Variants in PDCL2 observed in about 807,000 individuals in gnomAD.
The protein encoded by PDCL2 is phosducin-like protein 2.
PDCL2 carries 23 observed loss-of-function variants against 30.3 expected under a neutral mutation model. That is an observed-to-expected ratio of 0.76 (90% CI 0.55 to 1.08). The LOEUF (loss-of-function observed/expected upper bound fraction) is 1.08. Ranked by LOEUF, PDCL2 falls within the 50% of genes least tolerant of loss-of-function variation. The pLI, the probability that PDCL2 is intolerant of heterozygous loss-of-function variation, is 0.00. For missense variants in PDCL2, 243 were observed against 282.3 expected (o/e 0.86, Z 1.00); for synonymous variants, 68 against 86.2 (o/e 0.79, Z 1.17).
chr4:55,583,188 T>A (rs1349211896), intron 1 of PDCL2, among the ~76,000 whole-genome samples: 1 of 152,112 alleles, frequency 6.6e-6, no homozygotes, highest in Non-Finnish European at 1.5e-5. Flanking sequence ...CAGCTGGTCT[T>A]GAACTCCTGG....
At chr4:55,588,577 T>C (rs1560506351) in intron 1 of PDCL2, among the ~76,000 whole-genome samples, 1 of 152,336 alleles carries the variant, frequency 6.6e-6, no homozygotes, top group East Asian at 1.9e-4. Flanking sequence ...CTCTTAAGGC[T>C]GTGTCATGGG....
chr4:55,571,686 C>CAAAAAAAAAAAAAAAAAAAAAAAAAA (rs761336707), intron 3 of PDCL2, among the ~76,000 whole-genome samples: 1 of 36,886 alleles, frequency 2.7e-5, no homozygotes, highest in African/African-American at 1.6e-4. Context: ...GACTCCATCT[C>CAAAAAAAAAAAAAAAAAAAAAAAAAA]AAAAAAAAAA....
intron 3 of PDCL2, among the ~76,000 whole-genome samples, chr4:55,576,620 C>T (rs559155222): frequency 3.3e-5 from 5 of 151,816 alleles, no homozygotes; most frequent in Non-Finnish European, 7.4e-5. Flanking sequence ...AAGATAATCA[C>T]TATGAAAAAA....
chr4:55,569,402 A>G (rs1358851851), intron 4 of PDCL2, among the ~76,000 whole-genome samples: 1 of 152,184 alleles, frequency 6.6e-6, no homozygotes, highest in East Asian at 1.9e-4. Context: ...CGATATTTAG[A>G]GTGTTCATTT....
intron 5 of PDCL2, among the ~76,000 whole-genome samples, chr4:55,561,245 C>T (rs1020861014): frequency 1.3e-5 from 2 of 151,966 alleles, no homozygotes; most frequent in Non-Finnish European, 2.9e-5. Flanking sequence ...CTTTGGGGGA[C>T]TGACAGAGTC....
chr4:55,569,507 A>T (rs1434793239), intron 4 of PDCL2, among the ~76,000 whole-genome samples: 1 of 152,182 alleles, frequency 6.6e-6, no homozygotes, highest in Admixed American at 6.5e-5. Context: ...AAAAAGTGTG[A>T]CAAGTTCCTG....
intron 3 of PDCL2, among the ~76,000 whole-genome samples, chr4:55,573,985 C>A (rs1368384386): frequency 6.6e-6 from 1 of 151,690 alleles, no homozygotes; most frequent in Non-Finnish European, 1.5e-5. Context: ...CCTCTGCCTC[C>A]CAGGTTCAAG....
intron 1 of PDCL2, among the ~76,000 whole-genome samples, chr4:55,586,755 C>T (rs947151018): frequency 1.1e-4 from 16 of 152,170 alleles, no homozygotes; most frequent in African/African-American, 3.9e-4. Context: ...CAGTTTTCCA[C>T]AGCAGTTGTG....
intron 4 of PDCL2, among the ~76,000 whole-genome samples, chr4:55,564,127 A>C (rs563992315): frequency 5.9e-5 from 9 of 152,308 alleles, no homozygotes; most frequent in African/African-American, 1.9e-4. Context: ...GATTTCCTTC[A>C]AGGTGAAATG....
intron 4 of PDCL2, among the ~76,000 whole-genome samples, chr4:55,568,477 C>G (rs1313162657): frequency 6.6e-6 from 1 of 152,132 alleles, no homozygotes; most frequent in East Asian, 1.9e-4. Flanking sequence ...TTGATTGACT[C>G]CTTGTCCAAA....
At chr4:55,582,488 C>A (rs1288349637) in intron 1 of PDCL2, among the ~76,000 whole-genome samples, 1 of 152,158 alleles carries the variant, frequency 6.6e-6, no homozygotes, top group East Asian at 1.9e-4. Context: ...GGAAGTATCT[C>A]CTAAGTCATG....
chr4:55,558,803 AATG>A (rs1318741691), intron 5 of PDCL2, among the ~76,000 whole-genome samples: 3 of 152,222 alleles, frequency 2.0e-5, no homozygotes, highest in Non-Finnish European at 2.9e-5. Context: ...TGACAATTGA[AATG>A]ATAAGCCATA....
At chr4:55,580,368 A>G (rs969798954) in intron 3 of PDCL2, among the ~76,000 whole-genome samples, 1 of 152,192 alleles carries the variant, frequency 6.6e-6, no homozygotes, top group African/African-American at 2.4e-5. Context: ...TACTTTAGAA[A>G]TTAGAACAGG....
chr4:55,571,559 C>T (rs1485742993), intron 3 of PDCL2, among the ~76,000 whole-genome samples: 6 of 89,000 alleles, frequency 6.7e-5, no homozygotes, highest in East Asian at 4.4e-4. Context: ...TGGTGGCGGG[C>T]GCCTGTGGTC....
At chr4:55,573,757 C>T (rs1177694518) in intron 3 of PDCL2, among the ~76,000 whole-genome samples, 1 of 151,218 alleles carries the variant, frequency 6.6e-6, no homozygotes, top group African/African-American at 2.4e-5. Flanking sequence ...TCCTCCTCTC[C>T]CCCACAAAAA....
At position 55,569,848 on chromosome 4, in the gene PDCL2, G is replaced by A. The variant is rs1193573190; in HGVS notation, c.232C>T (p.Gln78Ter). The change falls in exon 4 of 6, where the codon CAG becomes TAG. Residue 78 changes from glutamine (Q) to a stop codon, truncating the protein, a stop_gained. Transcript: ENST00000295645. LOFTEE classifies it high-confidence loss of function. Reference sequence around the variant, plus strand: ...TTTTTCTTAAGAGCTTTCCATTCCTGTAACCGCTTCTTTCTAATTAAAACA... The same window carrying A: ...TTTTTCTTAAGAGCTTTCCATTCCTATAACCGCTTCTTTCTAATTAAAACA... ...AVETYRKKRL[Q>*]EWKALKKKQK... is the part of the protein sequence containing the mutation. 1.3e-6 allele frequency: 2 copies of A among 1,520,878 alleles called. No homozygotes were observed. Among genetic ancestry groups the A allele is most frequent in the Admixed American group, 2.1e-5 (1 of 48,490 alleles). 94.2% of individuals were successfully genotyped at this position (1,520,878 alleles called of 1,614,324 possible).
At chr4:55,570,140 T>C (rs1182674447) in intron 3 of PDCL2, among the ~76,000 whole-genome samples, 1 of 152,196 alleles carries the variant, frequency 6.6e-6, no homozygotes, top group Non-Finnish European at 1.5e-5. Context: ...AGAGTTTATC[T>C]AGATGTTGTG....
At chr4:55,585,562 A>G (rs542556048) in intron 1 of PDCL2, among the ~76,000 whole-genome samples, 13 of 152,022 alleles carry the variant, frequency 8.6e-5, no homozygotes, top group African/African-American at 3.1e-4. Flanking sequence ...ACACACACAC[A>G]AAGATTTAGA....
intron 3 of PDCL2, among the ~76,000 whole-genome samples, chr4:55,576,373 G>A (rs550178235): frequency 3.6e-4 from 55 of 152,322 alleles, no homozygotes; most frequent in Non-Finnish European, 6.5e-4. Flanking sequence ...GATTACAGGC[G>A]TAAGCCATCA....
Sources: allele counts gnomAD v4.1 joint callset (sites outside exome capture counted in the v4.1 genomes callset), GRCh38; gene constraint gnomAD v4.1.1; transcripts MANE v1.5; gene names NCBI Gene and HGNC (gene_info 2026-07-23, HGNC 2026-07-21).